The following CHD9 variants were observed in gnomAD, a reference collection of about 807,000 sequenced individuals.
The protein encoded by CHD9 is ATP-dependent chromatin remodeler CHD9.
In CHD9, 77 loss-of-function variants were observed where a neutral mutation model predicts 316.1. The ratio of observed to expected loss-of-function variants is 0.24; its 90% CI spans 0.20 to 0.29. The LOEUF is 0.29. CHD9 is among the 10% of genes least tolerant of loss of function. CHD9 has a pLI of 1.00. For synonymous variants in CHD9, 1,129 were observed against 1,158.3 expected (o/e 0.97, Z 0.51); for missense variants, 2,763 against 3,438.1 (o/e 0.80, Z 4.91).
intron 1 of CHD9, among the ~76,000 whole-genome samples, chr16:53,123,441 A>G (rs528448336): frequency 4.6e-5 from 7 of 152,202 alleles, no homozygotes; most frequent in Non-Finnish European, 1.0e-4. Context: ...ATATAAATAT[A>G]ATCAAACAGT....
chr16:53,262,886 G>A, intron 19 of CHD9, 101 bp from the exon 20 acceptor site: 2 of 915,964 alleles, frequency 2.2e-6, no homozygotes, highest in Non-Finnish European at 3.5e-6. Context: ...TGATGTATGA[G>A]TATGCAGAAT....
At chr16:53,100,162 T>G (rs1220022655) in intron 1 of CHD9, among the ~76,000 whole-genome samples, 2 of 152,174 alleles carry the variant, frequency 1.3e-5, no homozygotes, top group African/African-American at 2.4e-5. Context: ...TAAACCTACA[T>G]GACTCACCCG....
intron 6 of CHD9, 21 bp from the exon 7 acceptor site, chr16:53,227,527 T>C (rs1432724920): frequency 1.5e-5 from 22 of 1,477,856 alleles, no homozygotes; most frequent in Non-Finnish European, 1.9e-5. Flanking sequence ...AGAGTCACCA[T>C]TACTGATTTT....
chr16:53,182,478 G>A (rs2043610015), intron 2 of CHD9, among the ~76,000 whole-genome samples: 1 of 152,116 alleles, frequency 6.6e-6, no homozygotes, highest in East Asian at 1.9e-4. Flanking sequence ...ACCTTCAGAG[G>A]ATAGTCTTTT....
Position 53,157,614 on chromosome 16 carries a change from A to G in CHD9, c.1452+73A>G, listed in dbSNP as rs2041609837. On this transcript the variant is annotated intron_variant, in intron 2 of 38. Transcript: ENST00000447540. ...CTGTTAGTCATTGGGTTAATTTTAT[A>G]TGAAACATAGTCAAGATTTCTCAAA... The G allele has an allele frequency of 5.1e-6, 7 of 1,376,018 alleles. No individual in the cohort carries two copies. In the South Asian group the frequency reaches 7.0e-5, roughly 14 times the overall value. 85.2% of individuals were successfully genotyped at this position (1,376,018 alleles called of 1,614,324 possible). A position where few individuals can be genotyped will look rare whatever the true frequency, so the allele number is the denominator to read the frequency against.
chr16:53,224,914 T>C (rs961128768), intron 4 of CHD9, among the ~76,000 whole-genome samples: 1 of 152,198 alleles, frequency 6.6e-6, no homozygotes, highest in Non-Finnish European at 1.5e-5. Context: ...GGGTTTCTAG[T>C]AGCCCTTTAA....
At chr16:53,215,232 T>A (rs550260579) in intron 3 of CHD9, among the ~76,000 whole-genome samples, 6 of 152,148 alleles carry the variant, frequency 3.9e-5, no homozygotes, top group Non-Finnish European at 8.8e-5. Flanking sequence ...ACATATCTGT[T>A]AAGAATTCAA....
intron 24 of CHD9, among the ~76,000 whole-genome samples, chr16:53,276,533 G>A (rs2052844144): frequency 6.6e-6 from 1 of 152,106 alleles, no homozygotes; most frequent in South Asian, 2.1e-4. Flanking sequence ...TCAGATAAGA[G>A]CTACCTTCAG....
intron 17 of CHD9, among the ~76,000 whole-genome samples, chr16:53,253,374 A>G (rs1013790474): frequency 3.9e-5 from 6 of 152,206 alleles, no homozygotes; most frequent in Admixed American, 2.6e-4. Context: ...GTTCTCACTC[A>G]TAAGTGGGAA....
intron 34 of CHD9, among the ~76,000 whole-genome samples, chr16:53,309,857 T>A (rs2056313760): frequency 6.6e-6 from 1 of 152,062 alleles, no homozygotes; most frequent in Non-Finnish European, 1.5e-5. Context: ...AAAAAAAAAG[T>A]TGAGAATGGT....
Position 53,156,475 on chromosome 16 carries a change from C to T in CHD9, c.386C>T (p.Thr129Ile), listed in dbSNP as rs746691568. ...SDGSPMWGHQ[T>I]ATTISNQNGS... ...GGCAGTCCAATGTGGGGCCATCAGA[C>T]AGCTACTACCATTTCAAATCAAAAT... The change falls in exon 2 of 39, where the codon ACA becomes ATA. Residue 129 changes from threonine (T) to isoleucine (I), a missense_variant. Transcript: ENST00000447540. The T allele has an allele frequency of 1.2e-6, 2 of 1,613,960 alleles. No homozygotes were observed. The highest frequency in any genetic ancestry group is 2.2e-5 in the East Asian group (1 of 44,884).
rs1054798848 is a variant in CHD9 at position 53,057,811 on chromosome 16, A to G, written c.-165+2734A>G. ...TCCAGCCAAGGGCAAACAGGAGGAC[A>G]CGCTGCTTTCTGGTTTCAGCTCTTG... On this transcript the variant is annotated intron_variant, in intron 1 of 38. Coordinates refer to ENST00000447540, the MANE Select transcript of CHD9 (RefSeq NM_001308319.2). Among the ~76,000 whole-genome samples the G allele has an allele frequency of 7.2e-5, 11 of 152,338 alleles. 1 individual carries two copies. The highest frequency in any genetic ancestry group is 2.0e-4 in the Admixed American group (3 of 15,294).
chr16:53,112,529 A>G (rs1319756066), intron 1 of CHD9, among the ~76,000 whole-genome samples: 2 of 152,230 alleles, frequency 1.3e-5, no homozygotes, highest in Non-Finnish European at 2.9e-5. Flanking sequence ...CATGTGTCAC[A>G]AAGTAAGTAT....
chr16:53,210,331 T>C (rs989760401), intron 3 of CHD9, among the ~76,000 whole-genome samples: 3 of 146,376 alleles, frequency 2.0e-5, no homozygotes, highest in East Asian at 4.0e-4. Flanking sequence ...AAATCAACAA[T>C]AAGTGGTTGC....
chr16:53,228,912 T>C, intron 7 of CHD9, 71 bp from the exon 8 acceptor site: 1 of 695,624 alleles, frequency 1.4e-6, no homozygotes, highest in Non-Finnish European at 2.4e-6. Context: ...ATATTGGATG[T>C]TATGATTTAA....
At chr16:53,208,541 G>C in intron 2 of CHD9, 1 of 1,045,184 alleles carries the variant, frequency 9.6e-7, no homozygotes, top group Non-Finnish European at 1.2e-6. Flanking sequence ...ATTTTAGTGA[G>C]CAATTCTAAA....
chr16:53,176,877 CTG>C (rs1224301806), intron 2 of CHD9, among the ~76,000 whole-genome samples: 4 of 152,150 alleles, frequency 2.6e-5, no homozygotes, highest in Non-Finnish European at 5.9e-5. Context: ...AGGCATTGTA[CTG>C]AGTACTTTTT....
chr16:53,315,349 A>C (rs756833439), intron 36 of CHD9, among the ~76,000 whole-genome samples: 2 of 152,252 alleles, frequency 1.3e-5, no homozygotes, highest in Non-Finnish European at 2.9e-5. Context: ...AGTTTATTTT[A>C]AAATAATAAT....
At chr16:53,229,549 G>A (rs1376386077) in intron 8 of CHD9, among the ~76,000 whole-genome samples, 1 of 152,180 alleles carries the variant, frequency 6.6e-6, no homozygotes, top group Non-Finnish European at 1.5e-5. Context: ...ATGGTCTGAT[G>A]TTCTTTCCTG....
Sources: allele counts gnomAD v4.1 joint callset (sites outside exome capture counted in the v4.1 genomes callset), GRCh38; gene constraint gnomAD v4.1.1; transcripts MANE v1.5; gene names NCBI Gene and HGNC (gene_info 2026-07-23, HGNC 2026-07-21).